ENTREP2: variants seen among roughly 807,000 people sequenced by gnomAD.
The protein encoded by ENTREP2 is protein ENTREP2.
chr15:29,370,252 TAG>T, the ENTREP2 span, among the ~76,000 whole-genome samples: 9 of 152,210 alleles, frequency 5.9e-5, no homozygotes, highest in Non-Finnish European at 1.3e-4. Context: ...AGAGATTCAC[TAG>T]AGTTTGTCAG....
the ENTREP2 span, among the ~76,000 whole-genome samples, chr15:29,661,029 A>G: frequency 2.0e-5 from 3 of 151,620 alleles, no homozygotes; most frequent in Admixed American, 6.6e-5. Flanking sequence ...TGATATTTAC[A>G]TGAATTAAGA....
At chr15:29,615,166 T>C in the ENTREP2 span, among the ~76,000 whole-genome samples, 1 of 151,874 alleles carries the variant, frequency 6.6e-6, no homozygotes, top group African/African-American at 2.4e-5. Flanking sequence ...TTTCTTTTTT[T>C]TTTTTTTGAG....
At chr15:29,570,460 C>T in the ENTREP2 span, 1 of 1,176,860 alleles carries the variant, frequency 8.5e-7, no homozygotes, top group Non-Finnish European at 1.1e-6. Context: ...CCCCCCGGCC[C>T]GCGCAGTCCC....
At chr15:29,635,664 G>A in the ENTREP2 span, among the ~76,000 whole-genome samples, 1 of 152,178 alleles carries the variant, frequency 6.6e-6, no homozygotes, top group East Asian at 1.9e-4. Context: ...CTCCCTGTGA[G>A]TTCAGGTCAT....
At chr15:29,176,342 G>A in the ENTREP2 span, among the ~76,000 whole-genome samples, 1 of 152,156 alleles carries the variant, frequency 6.6e-6, no homozygotes, top group African/African-American at 2.4e-5. Context: ...CCTGATTAAT[G>A]CAGCTGGTAG....
chr15:29,470,138 C>T, the ENTREP2 span, among the ~76,000 whole-genome samples: 1 of 152,194 alleles, frequency 6.6e-6, no homozygotes, highest in Non-Finnish European at 1.5e-5. Context: ...AACTGAAAAC[C>T]TTCACACACA....
chr15:29,203,780 A>C, the ENTREP2 span, among the ~76,000 whole-genome samples: 1 of 152,190 alleles, frequency 6.6e-6, no homozygotes, highest in South Asian at 2.1e-4. Context: ...TCAACTGGAC[A>C]GGAGTCCAGC....
the ENTREP2 span, chr15:29,136,479 G>A: frequency 1.9e-6 from 3 of 1,548,750 alleles, no homozygotes; most frequent in Admixed American, 2.0e-5. Flanking sequence ...AATGGAGACG[G>A]AGCAAAGTCC....
chr15:29,138,673 C>G, the ENTREP2 span, among the ~76,000 whole-genome samples: 1 of 145,574 alleles, frequency 6.9e-6, no homozygotes, highest in Non-Finnish European at 1.5e-5. Context: ...ATGTGTGTGT[C>G]TCTGTGTGTA....
At chr15:29,664,678 G>A in the ENTREP2 span, among the ~76,000 whole-genome samples, 1 of 152,154 alleles carries the variant, frequency 6.6e-6, no homozygotes, top group Non-Finnish European at 1.5e-5. Context: ...TGTGGGTTTT[G>A]TGATAGTTAT....
At chr15:29,268,797 G>A in the ENTREP2 span, 42 of 1,605,068 alleles carry the variant, frequency 2.6e-5, no homozygotes, top group Non-Finnish European at 3.4e-5. Context: ...CCTTTCAAGA[G>A]GATGGAGCTG....
the ENTREP2 span, among the ~76,000 whole-genome samples, chr15:29,405,215 C>T: frequency 6.6e-6 from 1 of 152,028 alleles, no homozygotes; most frequent in Non-Finnish European, 1.5e-5. Context: ...ATGGTGAAAC[C>T]CTGCCTCTAC....
At chr15:29,562,162 G>A in the ENTREP2 span, among the ~76,000 whole-genome samples, 1 of 152,372 alleles carries the variant, frequency 6.6e-6, no homozygotes, top group Non-Finnish European at 1.5e-5. Flanking sequence ...GTGAAACAGA[G>A]AGGAAGGCTG....
the ENTREP2 span, chr15:29,151,884 T>TCCC: frequency 0.077 from 111,449 of 1,456,616 alleles, 8,318 homozygotes; most frequent in African/African-American, 0.37. Flanking sequence ...CATCCCGAAA[T>TCCC]AGATAGCAGA....
At chr15:29,352,609 A>T in the ENTREP2 span, among the ~76,000 whole-genome samples, 3 of 152,064 alleles carry the variant, frequency 2.0e-5, no homozygotes, top group Admixed American at 2.0e-4. Context: ...ATCACCTGGC[A>T]GATTTACTAA....
the ENTREP2 span, among the ~76,000 whole-genome samples, chr15:29,514,408 G>A: frequency 6.6e-6 from 1 of 152,154 alleles, no homozygotes; most frequent in African/African-American, 2.4e-5. Flanking sequence ...TGAAGACTGA[G>A]CAATCTTCCA....
chr15:29,230,918 A>G, the ENTREP2 span, among the ~76,000 whole-genome samples: 1 of 152,200 alleles, frequency 6.6e-6, no homozygotes, highest in African/African-American at 2.4e-5. Context: ...TTTACATCTT[A>G]AAGTTTCACT....
chr15:29,287,383 C>CAAAAAA, the ENTREP2 span, among the ~76,000 whole-genome samples: 1 of 113,114 alleles, frequency 8.8e-6, no homozygotes, highest in Non-Finnish European at 1.7e-5. Flanking sequence ...GCAAGACCAG[C>CAAAAAA]AAAAAAAAAA....
the ENTREP2 span, among the ~76,000 whole-genome samples, chr15:29,657,279 G>C: frequency 2.6e-5 from 4 of 151,172 alleles, no homozygotes; most frequent in Admixed American, 1.3e-4. Flanking sequence ...CAGGATGGTC[G>C]CAAATCTCTC....
Sources: allele counts gnomAD v4.1 joint callset (sites outside exome capture counted in the v4.1 genomes callset), GRCh38; gene constraint gnomAD v4.1.1; transcripts MANE v1.5; gene names NCBI Gene and HGNC (gene_info 2026-07-23, HGNC 2026-07-21).